The following SHROOM3 variants were observed in gnomAD, a reference collection of about 807,000 sequenced individuals.
The protein encoded by SHROOM3 is protein Shroom3.
SHROOM3 carries 47 observed loss-of-function variants against 138.6 expected under a neutral mutation model. The ratio of observed to expected loss-of-function variants is 0.34; its 90% CI spans 0.27 to 0.43. The LOEUF (loss-of-function observed/expected upper bound fraction) is 0.43. SHROOM3 is among the 20% of genes least tolerant of loss of function. The pLI, the probability that SHROOM3 is intolerant of heterozygous loss-of-function variation, is 1.00. For synonymous variants in SHROOM3, 1,062 were observed against 1,063.3 expected, an observed-to-expected ratio of 1.00 and a Z score of 0.02; for missense variants, 2,491 against 2,596.5, an observed-to-expected ratio of 0.96 and a Z score of 0.88.
At chr4:76,482,347 C>G (rs1411274973) in intron 1 of SHROOM3, among the ~76,000 whole-genome samples, 1 of 152,108 alleles carries the variant, frequency 6.6e-6, no homozygotes, top group Non-Finnish European at 1.5e-5. Context: ...CACAAGCATT[C>G]CTATATACCA....
chr4:76,537,343 A>G (rs1460967242), intron 1 of SHROOM3, among the ~76,000 whole-genome samples: 2 of 152,166 alleles, frequency 1.3e-5, no homozygotes, highest in African/African-American at 2.4e-5. Context: ...GGCAGAGTGT[A>G]TGATTGCCTA....
At chr4:76,588,489 C>G (rs765150522) in intron 2 of SHROOM3, among the ~76,000 whole-genome samples, 5 of 152,148 alleles carry the variant, frequency 3.3e-5, no homozygotes, top group African/African-American at 4.8e-5. Context: ...GCAGCCTCCC[C>G]CTCCTAGACA....
At chr4:76,707,215 C>T (rs981763578) in intron 2 of SHROOM3, among the ~76,000 whole-genome samples, 6 of 152,244 alleles carry the variant, frequency 3.9e-5, no homozygotes, top group Admixed American at 2.0e-4. Flanking sequence ...GTAATTGTAA[C>T]GCCTACAAAA....
intron 1 of SHROOM3, among the ~76,000 whole-genome samples, chr4:76,528,940 G>GA (rs1244425039): frequency 6.6e-6 from 1 of 152,166 alleles, no homozygotes; most frequent in African/African-American, 2.4e-5. Context: ...TAATGGGTGG[G>GA]CAACTGTGAC....
At chr4:76,622,269 T>A (rs1052349471) in intron 2 of SHROOM3, among the ~76,000 whole-genome samples, 1 of 152,086 alleles carries the variant, frequency 6.6e-6, no homozygotes, top group Non-Finnish European at 1.5e-5. Flanking sequence ...GACAGCCTCA[T>A]CAGCATGGAC....
intron 2 of SHROOM3, among the ~76,000 whole-genome samples, chr4:76,697,715 G>C (rs1719784139): frequency 6.6e-6 from 1 of 152,156 alleles, no homozygotes; most frequent in East Asian, 1.9e-4. Flanking sequence ...AAAATACTTT[G>C]CATGTTGTAC....
chr4:76,634,912 C>T lies in SHROOM3; in HGVS notation c.324-75244C>T, dbSNP rs868793599. Among the ~76,000 whole-genome samples the T allele has an allele frequency of 2.0e-5, 3 of 152,270 alleles. No individual in the cohort carries two copies. In the Middle Eastern group the frequency reaches 0.01, roughly 518 times the overall value. ...GTTTCCTTTAAGAATCTTTTTGTGA[C>T]AATTCCACACCCTTTCCTGAAGCTG... is the stretch of plus-strand genomic sequence containing the variant. On this transcript the variant is annotated intron_variant, in intron 2 of 10. Coordinates refer to ENST00000296043, the MANE Select transcript of SHROOM3 (RefSeq NM_020859.4).
chr4:76,474,813 G>A (rs1217677920), intron 1 of SHROOM3, among the ~76,000 whole-genome samples: 1 of 152,076 alleles, frequency 6.6e-6, no homozygotes, highest in Non-Finnish European at 1.5e-5. Flanking sequence ...TGTAATCCCA[G>A]CTACTTGAGA....
At chr4:76,777,485 G>A (rs1039061474) in intron 10 of SHROOM3, among the ~76,000 whole-genome samples, 1 of 152,126 alleles carries the variant, frequency 6.6e-6, no homozygotes, top group Non-Finnish European at 1.5e-5. Flanking sequence ...ATTAGATCTA[G>A]GAGCTTTTTG....
chr4:76,642,463 G>A (rs1182578983), intron 2 of SHROOM3, among the ~76,000 whole-genome samples: 1 of 152,170 alleles, frequency 6.6e-6, no homozygotes, highest in Non-Finnish European at 1.5e-5. Context: ...ACGCCACTGG[G>A]ATTTTGAGAT....
At chr4:76,454,911 C>A (rs991091211) in intron 1 of SHROOM3, among the ~76,000 whole-genome samples, 3 of 152,000 alleles carry the variant, frequency 2.0e-5, no homozygotes, top group Non-Finnish European at 2.9e-5. Flanking sequence ...CTTTTTGATG[C>A]TATTGTATAT....
rs529917151 is a variant in SHROOM3 at position 76,527,040 on chromosome 4, A to T, written c.169-28569A>T. ...GATCGGAGGCAGAGAGCTGTTGCTG[A>T]TGCTTGCCTACTTTCTTTCTTTCTT... On this transcript the variant is annotated intron_variant, in intron 1 of 10. Coordinates refer to ENST00000296043, the MANE Select transcript of SHROOM3 (RefSeq NM_020859.4). Among the ~76,000 whole-genome samples, 17 of 152,240 alleles carry T rather than the reference A, an allele frequency of 1.1e-4. No homozygotes were observed. In the East Asian group the frequency reaches 2.9e-3, roughly 26 times the overall value.
intron 2 of SHROOM3, among the ~76,000 whole-genome samples, chr4:76,659,766 G>T (rs570716782): frequency 2.4e-4 from 37 of 152,254 alleles, no homozygotes; most frequent in Non-Finnish European, 4.6e-4. Flanking sequence ...ATTTTTAGTA[G>T]AGATGGGGTT....
chr4:76,517,852 C>G (rs1476354901), intron 1 of SHROOM3, among the ~76,000 whole-genome samples: 1 of 152,078 alleles, frequency 6.6e-6, no homozygotes, highest in Non-Finnish European at 1.5e-5. Flanking sequence ...CCAGCCATTC[C>G]CCGTGGAAAG....
intron 2 of SHROOM3, among the ~76,000 whole-genome samples, chr4:76,659,089 C>T (rs1465564925): frequency 6.6e-6 from 1 of 151,438 alleles, no homozygotes. Flanking sequence ...TCTTCCTTCT[C>T]GGTTGGTCCT....
intron 2 of SHROOM3, among the ~76,000 whole-genome samples, chr4:76,618,038 G>A (rs1286595329): frequency 2.0e-5 from 3 of 152,252 alleles, no homozygotes; most frequent in East Asian, 1.9e-4. Flanking sequence ...AGTGGCTCAC[G>A]CCTGTAATCC....
At chr4:76,485,669 T>C (rs1018798960) in intron 1 of SHROOM3, among the ~76,000 whole-genome samples, 1 of 152,158 alleles carries the variant, frequency 6.6e-6, no homozygotes, top group African/African-American at 2.4e-5. Context: ...TGCTTTGCAC[T>C]CCCTAAAGAG....
intron 10 of SHROOM3, 64 bp from the exon 11 acceptor site, chr4:76,778,745 A>G (rs1722656673): frequency 2.5e-5 from 41 of 1,608,570 alleles, no homozygotes; most frequent in Middle Eastern, 2.3e-4. Context: ...GTGTCCTTGC[A>G]GGGAGTCTGG....
chr4:76,518,597 G>A (rs1732497550), intron 1 of SHROOM3, among the ~76,000 whole-genome samples: 1 of 149,982 alleles, frequency 6.7e-6, no homozygotes, highest in Non-Finnish European at 1.5e-5. Flanking sequence ...CTGCCTGCCT[G>A]TGTTAAATAA....
Sources: gnomAD v4.1 joint callset for allele counts (sites outside exome capture counted in the v4.1 genomes callset) on GRCh38, gnomAD v4.1.1 for gene constraint, MANE v1.5 for transcripts, NCBI Gene and HGNC (gene_info 2026-07-23, HGNC 2026-07-21) for gene names.